Variants in PDE4D observed in about 807,000 individuals in gnomAD.
PDE4D encodes the protein phosphodiesterase 4D, also known as 3',5'-cyclic-AMP phosphodiesterase 4D.
Under a neutral mutation model 87.4 loss-of-function variants are expected in PDE4D, and 24 were observed. The observed-to-expected ratio is 0.27, with a 90% CI of 0.20 to 0.39. PDE4D has a LOEUF of 0.39. Ranked by LOEUF, PDE4D falls within the 10% of genes least tolerant of loss-of-function variation. PDE4D has a pLI of 1.00. For synonymous variants in PDE4D, 384 were observed against 383.2 expected (o/e 1.00, Z -0.02); for missense variants, 714 against 1,041.0 (o/e 0.69, Z 4.32).
At chr5:59,280,591 T>G (rs1430195228) in intron 1 of PDE4D, among the ~76,000 whole-genome samples, 1 of 152,112 alleles carries the variant, frequency 6.6e-6, no homozygotes, top group Non-Finnish European at 1.5e-5. Flanking sequence ...TCTCTGCAAA[T>G]TTAACATTAT....
At chr5:59,780,172 T>G (rs569312647) in intron 1 of PDE4D, among the ~76,000 whole-genome samples, 1 of 152,340 alleles carries the variant, frequency 6.6e-6, no homozygotes, top group Non-Finnish European at 1.5e-5. Context: ...AAGACCAGCC[T>G]GGCCAACATG....
intron 2 of PDE4D, among the ~76,000 whole-genome samples, chr5:60,143,877 A>C (rs1390149240): frequency 6.6e-6 from 1 of 152,174 alleles, no homozygotes; most frequent in African/African-American, 2.4e-5. Flanking sequence ...AGTTATATCA[A>C]GAAGGAGAGC....
At chr5:59,622,634 C>T (rs546015258) in intron 1 of PDE4D, among the ~76,000 whole-genome samples, 1 of 152,200 alleles carries the variant, frequency 6.6e-6, no homozygotes, top group Non-Finnish European at 1.5e-5. Context: ...TTTGTCTCTT[C>T]CATGCCCAAT....
intron 1 of PDE4D, among the ~76,000 whole-genome samples, chr5:60,517,825 C>T (rs1025818304): frequency 6.6e-6 from 1 of 152,220 alleles, no homozygotes; most frequent in Non-Finnish European, 1.5e-5. Context: ...GAACTTGGGA[C>T]CCACTAAATG....
chr5:59,876,831 T>C (rs1748671977), intron 1 of PDE4D, among the ~76,000 whole-genome samples: 1 of 152,198 alleles, frequency 6.6e-6, no homozygotes, highest in South Asian at 2.1e-4. Flanking sequence ...TAGAAGTTTT[T>C]ATCTCATAGA....
chr5:58,974,187 A>G lies in PDE4D; in HGVS notation c.*477T>C, dbSNP rs998801229. On this transcript the variant is annotated 3_prime_UTR_variant, in exon 15 of 15. Transcript: ENST00000340635. ...AAGACTTGAAATTAGAAAATTATGC[A>G]ATTTCTGTGGCTCATCCTCCTCCTA... 1 of 152,756 alleles carries G rather than the reference A, an allele frequency of 6.5e-6. No homozygotes were observed. Among genetic ancestry groups the G allele is most frequent in the Non-Finnish European group, 1.5e-5 (1 of 68,434 alleles). 9.5% of individuals were successfully genotyped at this position (152,756 alleles called of 1,614,324 possible). A position where few individuals can be genotyped will look rare whatever the true frequency, so the allele number is the denominator to read the frequency against.
chr5:60,336,537 G>A (rs1245754941), intron 1 of PDE4D, among the ~76,000 whole-genome samples: 1 of 152,194 alleles, frequency 6.6e-6, no homozygotes, highest in Non-Finnish European at 1.5e-5. Flanking sequence ...GCTGCAAGCT[G>A]CCCAGATAGA....
intron 3 of PDE4D, among the ~76,000 whole-genome samples, chr5:59,946,867 A>G (rs1242992728): frequency 6.6e-6 from 1 of 152,194 alleles, no homozygotes; most frequent in African/African-American, 2.4e-5. Context: ...CGAGTTGTGT[A>G]TTACATTCTA....
chr5:60,316,748 T>C (rs1583399112), intron 1 of PDE4D, among the ~76,000 whole-genome samples: 1 of 152,204 alleles, frequency 6.6e-6, no homozygotes, highest in Non-Finnish European at 1.5e-5. Context: ...GAGATAATCA[T>C]ATGGTTTTTG....
intron 5 of PDE4D, among the ~76,000 whole-genome samples, chr5:59,088,882 C>T (rs957081806): frequency 2.6e-5 from 4 of 152,066 alleles, no homozygotes; most frequent in Non-Finnish European, 5.9e-5. Context: ...ACTACAAACC[C>T]CATGACACAA....
chr5:60,256,521 C>T (rs184889511), intron 1 of PDE4D, among the ~76,000 whole-genome samples: 170 of 151,922 alleles, frequency 1.1e-3, no homozygotes, highest in Admixed American at 4.7e-3. Context: ...CAATTTGAAT[C>T]TCATGAATGT....
intron 1 of PDE4D, among the ~76,000 whole-genome samples, chr5:59,653,208 A>ATTTTT (rs555841091): frequency 0.61 from 75,884 of 125,032 alleles, 23,788 homozygotes; most frequent in South Asian, 0.81. Context: ...AAAAAAAAAA[A>ATTTTT]TTTTTTTTTT....
chr5:59,801,766 C>G (rs911955300), intron 1 of PDE4D, among the ~76,000 whole-genome samples: 1 of 152,164 alleles, frequency 6.6e-6, no homozygotes, highest in African/African-American at 2.4e-5. Context: ...CTCCAAACAA[C>G]TCTGTTCCAA....
intron 1 of PDE4D, among the ~76,000 whole-genome samples, chr5:59,623,641 C>A (rs917586084): frequency 6.6e-6 from 1 of 152,144 alleles, no homozygotes; most frequent in Non-Finnish European, 1.5e-5. Context: ...CCCCAGAGTT[C>A]CAATTCCTGA....
intron 2 of PDE4D, among the ~76,000 whole-genome samples, chr5:60,108,340 C>T (rs1777272044): frequency 1.3e-5 from 2 of 151,874 alleles, no homozygotes; most frequent in African/African-American, 4.8e-5. Context: ...CTACAAACCA[C>T]TGCTCAAGGA....
chr5:60,077,906 G>A (rs1218409454), intron 2 of PDE4D, among the ~76,000 whole-genome samples: 1 of 152,108 alleles, frequency 6.6e-6, no homozygotes, highest in African/African-American at 2.4e-5. Flanking sequence ...TGGGGACCAG[G>A]AACCGGTCCT....
intron 1 of PDE4D, among the ~76,000 whole-genome samples, chr5:60,382,884 A>G (rs552228753): frequency 6.6e-6 from 1 of 152,230 alleles, no homozygotes; most frequent in Admixed American, 6.5e-5. Flanking sequence ...ACTTCCTTCA[A>G]TGAAGAGTTC....
At chr5:59,066,618 A>G (rs1440448925) in intron 5 of PDE4D, among the ~76,000 whole-genome samples, 1 of 152,116 alleles carries the variant, frequency 6.6e-6, no homozygotes, top group African/African-American at 2.4e-5. Flanking sequence ...ATTTTTATTT[A>G]TAAGACGTGG....
chr5:59,599,258 G>A (rs1414882748), intron 1 of PDE4D, among the ~76,000 whole-genome samples: 4 of 129,872 alleles, frequency 3.1e-5, no homozygotes, highest in Non-Finnish European at 3.2e-5. Flanking sequence ...TTGAGCTCTT[G>A]TTGCCCAGGC....
Sources: allele counts gnomAD v4.1 joint callset (sites outside exome capture counted in the v4.1 genomes callset), GRCh38; gene constraint gnomAD v4.1.1; transcripts MANE v1.5; gene names NCBI Gene and HGNC (gene_info 2026-07-23, HGNC 2026-07-21).